The following FAM169A variants were observed in gnomAD, a reference collection of about 807,000 sequenced individuals.
FAM169A encodes the protein family with sequence similarity 169 member A.
Under a neutral mutation model 75.7 loss-of-function variants are expected in FAM169A, and 24 were observed. The ratio of observed to expected loss-of-function variants is 0.32; its 90% CI spans 0.23 to 0.45. The LOEUF (loss-of-function observed/expected upper bound fraction) is 0.45. FAM169A is among the 20% of genes least tolerant of loss of function. The pLI is 1.00. For synonymous variants in FAM169A, 271 were observed against 271.0 expected, an observed-to-expected ratio of 1.00 and a Z score of 0.00; for missense variants, 673 against 784.0, an observed-to-expected ratio of 0.86 and a Z score of 1.69.
At chr5:74,812,709 T>C (rs1456936717) in intron 6 of FAM169A, among the ~76,000 whole-genome samples, 2 of 152,068 alleles carry the variant, frequency 1.3e-5, no homozygotes, top group East Asian at 3.9e-4. Context: ...CAAATAACCA[T>C]TAAGCACATG....
intron 5 of FAM169A, among the ~76,000 whole-genome samples, chr5:74,820,170 A>G (rs933996763): frequency 6.6e-6 from 1 of 151,608 alleles, no homozygotes; most frequent in Admixed American, 6.6e-5. Context: ...AATTTTTTGT[A>G]TTTTTAGTAG....
At chr5:74,784,685 G>A (rs1436203318) in intron 11 of FAM169A, among the ~76,000 whole-genome samples, 4 of 148,508 alleles carry the variant, frequency 2.7e-5, no homozygotes, top group African/African-American at 9.9e-5. Context: ...TTGGGAGGCC[G>A]AGGCGGGCGG....
At chr5:74,786,819 G>T (rs908325972) in intron 11 of FAM169A, among the ~76,000 whole-genome samples, 1 of 152,270 alleles carries the variant, frequency 6.6e-6, no homozygotes. Flanking sequence ...GCACAGCCTC[G>T]CCAGGTGTCT....
chr5:74,793,696 A>G (rs544229505), intron 11 of FAM169A, among the ~76,000 whole-genome samples: 4 of 152,278 alleles, frequency 2.6e-5, no homozygotes, highest in Non-Finnish European at 4.4e-5. Flanking sequence ...CTGCTCCCCA[A>G]AAACTACTGA....
chr5:74,827,136 G>A (rs1748072700), intron 5 of FAM169A, among the ~76,000 whole-genome samples: 1 of 152,078 alleles, frequency 6.6e-6, no homozygotes, highest in Admixed American at 6.5e-5. Context: ...TACTAGTGAT[G>A]TTAACCATAA....
At chr5:74,782,869 C>G in intron 12 of FAM169A, 62 bp downstream of exon 12, 1 of 1,247,118 alleles carries the variant, frequency 8.0e-7, no homozygotes, top group Non-Finnish European at 1.1e-6. Context: ...ACCATGCACC[C>G]TCCTCGCTAA....
chr5:74,801,343 T>C (rs769929532), intron 9 of FAM169A, among the ~76,000 whole-genome samples: 1 of 152,196 alleles, frequency 6.6e-6, no homozygotes, highest in Non-Finnish European at 1.5e-5. Flanking sequence ...ATAAACAACG[T>C]AGACATTACC....
Position 74,805,125 on chromosome 5 carries a change from G to T in FAM169A, c.799+31C>A, listed in dbSNP as rs1211976450. 1.9e-6 allele frequency: 3 copies of T among 1,603,722 alleles called. No individual in the cohort carries two copies. In the African/African-American group the frequency reaches 4.0e-5, roughly 22 times the overall value. On this transcript the variant is annotated intron_variant, in intron 7 of 12. Coordinates refer to ENST00000687041, the MANE Select transcript of FAM169A (RefSeq NM_001376049.1). ...ACAGGCTACCAAAAATAAATAAACT[G>T]AACTTATGTTCAAACTGAAAACACT...
chr5:74,802,556 C>A (rs1477881836), intron 8 of FAM169A, among the ~76,000 whole-genome samples: 1 of 152,070 alleles, frequency 6.6e-6, no homozygotes, highest in African/African-American at 2.4e-5. Flanking sequence ...TTCCCACCCA[C>A]CCTTTAAAAG....
At chr5:74,822,088 T>C (rs1747792091) in intron 5 of FAM169A, among the ~76,000 whole-genome samples, 1 of 152,086 alleles carries the variant, frequency 6.6e-6, no homozygotes, top group African/African-American at 2.4e-5. Flanking sequence ...CTGAGCACAG[T>C]GTTATGCATT....
intron 1 of FAM169A, among the ~76,000 whole-genome samples, chr5:74,859,453 C>T (rs1749921154): frequency 2.0e-5 from 3 of 151,646 alleles, no homozygotes; most frequent in Admixed American, 1.3e-4. Flanking sequence ...TCAAGCCTGG[C>T]TAATTTTTGT....
At position 74,800,995 on chromosome 5, in the gene FAM169A, T is replaced by C; in HGVS notation, c.988A>G (p.Ser330Gly). 1 of 1,566,436 alleles carries C rather than the reference T, an allele frequency of 6.4e-7. No individual in the cohort carries two copies. Among genetic ancestry groups the C allele is most frequent in the Non-Finnish European group, 8.7e-7 (1 of 1,155,990 alleles). ...DKTSVSTHTR[S>G]GNLKRPKIGK... Reference sequence around the variant, plus strand: ...ATCTTTGGCCGCTTTAGATTACCACTTCGAGTATGAGTGGAAACAGATGTT... The same window carrying C: ...ATCTTTGGCCGCTTTAGATTACCACCTCGAGTATGAGTGGAAACAGATGTT... Residue 330 changes from serine to glycine, a missense_variant, in exon 10 of 13, where the codon AGT (serine) becomes GGT (glycine). By Grantham distance (56) the Ser-to-Gly change is moderately conservative (BLOSUM62 0). Around this residue, in one of 3 missense-constraint regions of FAM169A, gnomAD observed 510 missense variants for 550.9 expected, o/e 0.93. Coordinates refer to ENST00000687041, the MANE Select transcript of FAM169A (RefSeq NM_001376049.1).
intron 5 of FAM169A, among the ~76,000 whole-genome samples, chr5:74,822,025 A>G (rs1485960654): frequency 6.6e-6 from 1 of 152,180 alleles, no homozygotes; most frequent in Non-Finnish European, 1.5e-5. Flanking sequence ...TATTTCTTAC[A>G]TGGTGACTAG....
chr5:74,847,407 A>T (rs374334699), intron 1 of FAM169A, among the ~76,000 whole-genome samples: 2 of 148,874 alleles, frequency 1.3e-5, no homozygotes. Flanking sequence ...TGTCACGTTT[A>T]TGTCACTGTA....
chr5:74,863,737 A>C (rs1468438262), intron 1 of FAM169A, among the ~76,000 whole-genome samples: 1 of 152,228 alleles, frequency 6.6e-6, no homozygotes, highest in Non-Finnish European at 1.5e-5. Flanking sequence ...GCAACTTCAA[A>C]GACAAAAGCA....
chr5:74,815,744 A>G (rs1747437090), intron 5 of FAM169A, among the ~76,000 whole-genome samples: 1 of 152,200 alleles, frequency 6.6e-6, no homozygotes, highest in African/African-American at 2.4e-5. Context: ...GGTTGCAGTA[A>G]AGAAGCTGGC....
chr5:74,856,154 C>T (rs192204077), intron 1 of FAM169A, among the ~76,000 whole-genome samples: 142 of 152,256 alleles, frequency 9.3e-4, no homozygotes, highest in African/African-American at 3.0e-3. Flanking sequence ...TCTGTTTTTA[C>T]GCTGGTACCA....
intron 11 of FAM169A, among the ~76,000 whole-genome samples, chr5:74,788,596 T>C (rs1018494195): frequency 4.0e-5 from 6 of 151,100 alleles, no homozygotes; most frequent in Non-Finnish European, 7.4e-5. Context: ...TCCCAGCTAC[T>C]AGGGAGGCTG....
upstream of FAM169A, chr5:74,866,737 C>A: frequency 3.0e-6 from 3 of 985,456 alleles, no homozygotes; most frequent in Non-Finnish European, 3.6e-6. Context: ...TTTGCGTATT[C>A]CTTTAATGCC....
Sources: allele counts gnomAD v4.1 joint callset (sites outside exome capture counted in the v4.1 genomes callset), GRCh38; gene constraint gnomAD v4.1.1; regional missense constraint gnomAD v4.1.1; transcripts MANE v1.5; gene names NCBI Gene and HGNC (gene_info 2026-07-23, HGNC 2026-07-21).